The following ZMAT3 variants were observed in gnomAD, a reference collection of about 807,000 sequenced individuals.
The protein encoded by ZMAT3 is zinc finger matrin-type 3.
ZMAT3 carries 17 observed loss-of-function variants against 32.3 expected under a neutral mutation model. The observed-to-expected ratio is 0.53, with a 90% confidence interval of 0.36 to 0.79. ZMAT3 has a LOEUF of 0.79. ZMAT3 is among the 30% of genes least tolerant of loss of function. The probability of loss-of-function intolerance (pLI) is 0.00; values close to 1 mark genes in which losing one functional copy is unlikely to be tolerated. For synonymous variants in ZMAT3, 120 were observed against 133.1 expected (o/e 0.90, Z 0.68); for missense variants, 329 against 359.7 (o/e 0.91, Z 0.69).
At chr3:179,061,381 T>C (rs1273275186) in intron 2 of ZMAT3, among the ~76,000 whole-genome samples, 1 of 152,038 alleles carries the variant, frequency 6.6e-6, no homozygotes, top group Non-Finnish European at 1.5e-5. Context: ...GAAAAGCAAC[T>C]AAAATCTCCG....
chr3:179,067,449 C>T, intron 2 of ZMAT3, 34 bp downstream of exon 2: 1 of 1,607,970 alleles, frequency 6.2e-7, no homozygotes, highest in Non-Finnish European at 8.5e-7. Context: ...AATGTTCACC[C>T]TACTCAATGC....
intron 2 of ZMAT3, among the ~76,000 whole-genome samples, chr3:179,045,312 T>C (rs917338115): frequency 2.6e-5 from 4 of 152,082 alleles, no homozygotes; most frequent in African/African-American, 9.7e-5. Context: ...AACAGAAACA[T>C]ACATAGGAGA....
At chr3:179,050,377 G>C (rs1254208718) in intron 2 of ZMAT3, among the ~76,000 whole-genome samples, 1 of 151,932 alleles carries the variant, frequency 6.6e-6, no homozygotes, top group Non-Finnish European at 1.5e-5. Context: ...AAAACCTAAA[G>C]GAGATGGGTA....
chr3:179,048,843 A>G (rs1720388957), intron 2 of ZMAT3, among the ~76,000 whole-genome samples: 1 of 152,156 alleles, frequency 6.6e-6, no homozygotes, highest in South Asian at 2.1e-4. Flanking sequence ...CATTGAATGC[A>G]AATTGCCTAA....
intron 2 of ZMAT3, among the ~76,000 whole-genome samples, chr3:179,045,326 C>A (rs1485705587): frequency 6.6e-6 from 1 of 152,016 alleles, no homozygotes; most frequent in Non-Finnish European, 1.5e-5. Flanking sequence ...TAGGAGATAA[C>A]CATAAGGATG....
rs1026658317 is a variant in ZMAT3, at chr3:179,019,363, TA to T, written c.*5653del. 48 of 152,166 alleles carry T rather than the reference TA, an allele frequency of 3.2e-4. No homozygotes were observed. Among genetic ancestry groups the T allele is most frequent in the African/African-American group, 1.1e-3 (47 of 41,534 alleles). 9.4% of individuals were successfully genotyped at this position (152,166 alleles called of 1,614,324 possible). A position where few individuals can be genotyped will look rare whatever the true frequency, so the allele number is the denominator to read the frequency against. ...AGATATTTAAACGAATACTAAACCT[TA>T]ATTAATGACACCCATGCTAAGAATT... On this transcript the variant is annotated 3_prime_UTR_variant, in exon 6 of 6. Transcript: ENST00000311417.
chr3:179,069,732 G>C (rs565385609), intron 1 of ZMAT3, among the ~76,000 whole-genome samples: 1 of 152,234 alleles, frequency 6.6e-6, no homozygotes, highest in African/African-American at 2.4e-5. Context: ...AAATAATGTA[G>C]TTAAGGACAA....
chr3:179,071,917 G>A (rs1410687257), upstream of ZMAT3: 1 of 152,716 alleles, frequency 6.5e-6, no homozygotes, highest in Non-Finnish European at 1.5e-5. Flanking sequence ...CGGTAGCAGT[G>A]GCGGCTCCCG....
intron 2 of ZMAT3, among the ~76,000 whole-genome samples, chr3:179,055,948 G>A (rs190197966): frequency 6.6e-6 from 1 of 152,278 alleles, no homozygotes; most frequent in African/African-American, 2.4e-5. Flanking sequence ...TTGGGACACA[G>A]AATCAGAACA....
At chr3:179,028,463 A>G (rs888282420) in intron 3 of ZMAT3, among the ~76,000 whole-genome samples, 2 of 152,258 alleles carry the variant, frequency 1.3e-5, no homozygotes, top group African/African-American at 2.4e-5. Context: ...AGAGAATAAT[A>G]TAGTACATGA....
At position 179,067,507 on chromosome 3, in the gene ZMAT3, T is replaced by G. The variant is rs759699282; in HGVS notation, c.246A>C (p.Ala82=). ...CKLCNVTLNS[A]QQAQAHYQGK... The stretch of plus-strand genomic sequence containing the variant: ...CCTGATAATGAGCCTGGGCTTGCTG[T>G]GCAGAGTTCAAGGTGACATTGCAGA... The change falls in exon 2 of 6, where the codon GCA becomes GCC. Residue 82 remains alanine (A), a synonymous_variant. Coordinates refer to ENST00000311417, the MANE Select transcript of ZMAT3 (RefSeq NM_022470.4). 8.1e-6 allele frequency: 13 copies of G among 1,614,096 alleles called. 1 individual carries two copies. Among genetic ancestry groups the G allele is most frequent in the Non-Finnish European group, 1.1e-5 (13 of 1,180,052 alleles).
chr3:179,023,690 ATATATC>A lies in ZMAT3; in HGVS notation c.*1321_*1326del, dbSNP rs1223683746. The A allele has an allele frequency of 2.0e-4, 3 of 14,782 alleles. No individual in the cohort carries two copies. Among genetic ancestry groups the A allele is most frequent in the Middle Eastern group, 0.042 (1 of 24 alleles). The allele number at this position is 14,782 out of a possible 1,614,324, so 0.9% of individuals were successfully genotyped here. ...TTTGTTTCCTAAAAACTGCTGGAAAATATATCTATATATATATATATTTTTTTTTTT... is the reference window on the plus strand; with the variant it reads ...TTTGTTTCCTAAAAACTGCTGGAAAATATATATATATATATTTTTTTTTTT... On this transcript the variant is annotated 3_prime_UTR_variant, in exon 6 of 6. Coordinates refer to ENST00000311417, the MANE Select transcript of ZMAT3 (RefSeq NM_022470.4).
At chr3:179,060,042 G>A (rs142833076) in intron 2 of ZMAT3, among the ~76,000 whole-genome samples, 1,635 of 152,046 alleles carry the variant, frequency 0.011, 28 homozygotes, top group African/African-American at 0.036. Flanking sequence ...GACAATGATC[G>A]GGATATAAAC....
At chr3:179,051,024 A>AACATTAT (rs762484572) in intron 2 of ZMAT3, among the ~76,000 whole-genome samples, 8 of 152,330 alleles carry the variant, frequency 5.3e-5, no homozygotes, top group Middle Eastern at 3.4e-3. Context: ...ACCCACAGCC[A>AACATTAT]ACATTATACT....
At chr3:179,041,120 C>T (rs1462437571) in intron 2 of ZMAT3, among the ~76,000 whole-genome samples, 1 of 152,114 alleles carries the variant, frequency 6.6e-6, no homozygotes. Flanking sequence ...TAGACTCCCA[C>T]ACAATAATAA....
Position 179,027,828 on chromosome 3 carries a change from C to T in ZMAT3, c.391-16G>A, listed in dbSNP as rs1718962799. The T allele has an allele frequency of 6.3e-7, 1 of 1,581,984 alleles. No individual in the cohort carries two copies. The highest frequency in any genetic ancestry group is 8.6e-7 in the Non-Finnish European group (1 of 1,168,608). ...AGGAGCCCATCTGACATCAAAGACACAAGAAGAAACAAAGTTAAAAAAAAT... is the reference window on the plus strand; with the variant it reads ...AGGAGCCCATCTGACATCAAAGACATAAGAAGAAACAAAGTTAAAAAAAAT... On this transcript the variant is annotated splice_polypyrimidine_tract_variant and intron_variant, in intron 3 of 5. Coordinates refer to ENST00000311417, the MANE Select transcript of ZMAT3 (RefSeq NM_022470.4).
chr3:179,063,379 C>T (rs1721247496), intron 2 of ZMAT3, among the ~76,000 whole-genome samples: 1 of 152,230 alleles, frequency 6.6e-6, no homozygotes, highest in Non-Finnish European at 1.5e-5. Context: ...GACCACTACA[C>T]TCAGCATCCT....
chr3:179,051,012 A>G (rs1720525302), intron 2 of ZMAT3, among the ~76,000 whole-genome samples: 1 of 152,234 alleles, frequency 6.6e-6, no homozygotes, highest in Non-Finnish European at 1.5e-5. Flanking sequence ...CATCTATGAC[A>G]AACCCACAGC....
intron 2 of ZMAT3, among the ~76,000 whole-genome samples, chr3:179,037,880 A>T (rs1387348569): frequency 6.6e-6 from 1 of 152,210 alleles, no homozygotes; most frequent in Non-Finnish European, 1.5e-5. Flanking sequence ...CAGTGAACAA[A>T]GGCAAAGTCT....
Sources: allele counts gnomAD v4.1 joint callset (sites outside exome capture counted in the v4.1 genomes callset), GRCh38; gene constraint gnomAD v4.1.1; transcripts MANE v1.5; gene names NCBI Gene and HGNC (gene_info 2026-07-23, HGNC 2026-07-21).